The following NBEAL2 variants were observed in gnomAD, a reference collection of about 807,000 sequenced individuals.
NBEAL2 encodes neurobeachin-like protein 2.
NBEAL2 carries 160 observed loss-of-function variants against 299.8 expected under a neutral mutation model. That is an observed-to-expected ratio of 0.53 (90% confidence interval 0.47 to 0.61). NBEAL2 has a LOEUF of 0.61. Ranked by LOEUF, NBEAL2 falls within the 20% of genes least tolerant of loss-of-function variation. The pLI, the probability that NBEAL2 is intolerant of heterozygous loss-of-function variation, is 0.00. For synonymous variants in NBEAL2, 1,493 were observed against 1,542.3 expected (o/e 0.97, Z 0.75); for missense variants, 3,112 against 3,649.0 (o/e 0.85, Z 3.79).
At chr3:46,994,051 G>A (rs773232862) in intron 11 of NBEAL2, 31 bp downstream of exon 11, 55 of 1,578,026 alleles carry the variant, frequency 3.5e-5, no homozygotes, top group Middle Eastern at 1.7e-4. Context: ...CTTTAGTAGG[G>A]GTGCGGGGTG....
At chr3:46,994,645 G>A (rs1031484212) in intron 12 of NBEAL2, 92 bp downstream of exon 12, 23 of 1,101,216 alleles carry the variant, frequency 2.1e-5, no homozygotes, top group East Asian at 2.6e-5. Context: ...CTGGGGGACC[G>A]TATTGACTGC....
rs2107285241 is a variant in NBEAL2, at chr3:46,988,157, G to A, written c.52-512G>A. ...GATGTGCGCATGTCTGGGTCTGCCT[G>A]TCTAATGGTACACGTGTGTCCTGGG... On this transcript the variant is annotated intron_variant, in intron 1 of 53. Coordinates refer to ENST00000450053, the MANE Select transcript of NBEAL2 (RefSeq NM_015175.3). The surrounding 1 kb of genome is among the most constrained non-coding windows in gnomAD (Gnocchi z 4.4). 2 of 992,476 alleles carry A rather than the reference G, an allele frequency of 2.0e-6. No individual in the cohort carries two copies. Among genetic ancestry groups the A allele is most frequent in the East Asian group, 7.7e-5 (1 of 13,046 alleles). 61.5% of individuals were successfully genotyped at this position (992,476 alleles called of 1,614,324 possible). A position where few individuals can be genotyped will look rare whatever the true frequency, so the allele number is the denominator to read the frequency against.
intron 22 of NBEAL2, 39 bp downstream of exon 22, chr3:46,998,604 C>T (rs367911186): frequency 8.8e-5 from 140 of 1,589,772 alleles, no homozygotes; most frequent in African/African-American, 5.4e-5. Context: ...GGGGGGCTGA[C>T]ACAGTGGCCT....
At chr3:46,996,646 G>A (rs201450805) in intron 16 of NBEAL2, 54 bp downstream of exon 16, 1 of 661,216 alleles carries the variant, frequency 1.5e-6, no homozygotes, top group Non-Finnish European at 2.2e-6. Context: ...CTAGGGGTCC[G>A]GGGGGAGAAG....
At chr3:46,981,707 G>C (rs1184063401) in intron 1 of NBEAL2, among the ~76,000 whole-genome samples, 7 of 152,174 alleles carry the variant, frequency 4.6e-5, no homozygotes, top group Non-Finnish European at 8.8e-5. Context: ...GGCAGGTAAA[G>C]GGGGCTTAAA....
At chr3:46,998,902 G>C (rs1431882778) in intron 23 of NBEAL2, 23 bp downstream of exon 23, 1 of 1,597,056 alleles carries the variant, frequency 6.3e-7, no homozygotes, top group African/African-American at 1.3e-5. Context: ...TTGGGGAGCG[G>C]GAGGCTTGGG....
Position 47,003,307 on chromosome 3 carries a change from C to T in NBEAL2, c.5718C>T (p.Thr1906=), listed in dbSNP as rs767174805. 1 of 1,612,084 alleles carries T rather than the reference C, an allele frequency of 6.2e-7. No homozygotes were observed. The highest frequency in any genetic ancestry group is 1.7e-5 in the Admixed American group (1 of 59,914). ...AGGACGAGCTGGCTGAGCTGGAGACCCCGTGAGTGGGGCCCTGGAGAGATT... is the reference window on the plus strand; with the variant it reads ...AGGACGAGCTGGCTGAGCTGGAGACTCCGTGAGTGGGGCCCTGGAGAGATT... ...LGEDELAELE[T]PMEAAELDEQ... is the part of the protein sequence containing the mutation. Residue 1906 remains threonine, a splice_region_variant and synonymous_variant, in exon 35 of 54, where the codon ACC becomes ACT. Transcript: ENST00000450053. This position sits in a 1 kb window ranked among gnomAD's most constrained non-coding sequence, Gnocchi z 7.0.
chr3:47,007,741 T>G, intron 48 of NBEAL2, 44 bp downstream of exon 48: 1 of 1,609,310 alleles, frequency 6.2e-7, no homozygotes, highest in Non-Finnish European at 8.5e-7. Flanking sequence ...CACACAGGTA[T>G]GGGGCCGGGT....
At position 47,007,295 on chromosome 3, in the gene NBEAL2, C is replaced by T. The variant is rs201423174; in HGVS notation, c.7279C>T (p.Arg2427Cys). Residue 2427 changes from arginine to cysteine, a missense_variant, in exon 47 of 54, where the codon CGC becomes TGC. Coordinates refer to ENST00000450053, the MANE Select transcript of NBEAL2 (RefSeq NM_015175.3). The stretch of plus-strand genomic sequence containing the variant: ...CACCCACAGCTGGTTGCCCTATGAC[C>T]GCAACATAAGCAACTACTTCAGCTT... ...LGTHSWLPYDRNISNYFSFSK... is the reference protein window; with the variant it reads ...LGTHSWLPYDCNISNYFSFSK... 3.5e-5 allele frequency: 56 copies of T among 1,612,400 alleles called. No homozygotes were observed. The highest frequency in any genetic ancestry group is 4.2e-5 in the Non-Finnish European group (49 of 1,179,326).
chr3:47,005,301 C>T lies in NBEAL2; in HGVS notation c.6540C>T (p.His2180=), dbSNP rs981750437. Residue 2180 remains histidine, a synonymous_variant, in exon 40 of 54, where the codon CAC becomes CAT. Coordinates refer to ENST00000450053, the MANE Select transcript of NBEAL2 (RefSeq NM_015175.3). ...LIRVEPFTSL[H]VQLQSGRFDC... is the part of the protein sequence containing the mutation. ...GCGTGGAGCCCTTCACCTCCCTGCACGTCCAGCTGCAAAGTGGCCGGTGCG... is the reference window on the plus strand; with the variant it reads ...GCGTGGAGCCCTTCACCTCCCTGCATGTCCAGCTGCAAAGTGGCCGGTGCG... The T allele has an allele frequency of 3.1e-6, 5 of 1,612,366 alleles. No individual in the cohort carries two copies. Among genetic ancestry groups the T allele is most frequent in the African/African-American group, 2.7e-5 (2 of 74,928 alleles).
Position 46,982,507 on chromosome 3 carries a change from TGAGGGAA to T in NBEAL2, c.51+2604_51+2610del, listed in dbSNP as rs1490690210. Among the ~76,000 whole-genome samples, 2 of 152,132 alleles carry T rather than the reference TGAGGGAA, an allele frequency of 1.3e-5. No homozygotes were observed. Among genetic ancestry groups the T allele is most frequent in the South Asian group, 2.1e-4 (1 of 4,830 alleles). On this transcript the variant is annotated intron_variant, in intron 1 of 53. Coordinates refer to ENST00000450053, the MANE Select transcript of NBEAL2 (RefSeq NM_015175.3). The surrounding 1 kb of genome is among the most constrained non-coding windows in gnomAD (Gnocchi z 4.2). ...GAGGGAGGGGGCTGTGGGTGGCTGCTGAGGGAAGAGGGAAGGGTCAGAGCATCCCAGG... is the reference window on the plus strand; with the variant it reads ...GAGGGAGGGGGCTGTGGGTGGCTGCTGAGGGAAGGGTCAGAGCATCCCAGG...
rs757906893 is a variant in NBEAL2 at position 46,999,965 on chromosome 3, C to A, written c.3866C>A (p.Thr1289Asn). 3 of 1,612,042 alleles carry A rather than the reference C, an allele frequency of 1.9e-6. No homozygotes were observed. Among genetic ancestry groups the A allele is most frequent in the Middle Eastern group, 1.6e-4 (1 of 6,062 alleles). Residue 1289 changes from threonine (T) to asparagine (N), a missense_variant, in exon 27 of 54, where the codon ACC (threonine) becomes AAC (asparagine). This residue lies in a region of NBEAL2 where 2,243 missense variants were observed against 2,538.1 expected (regional missense o/e 0.88). Coordinates refer to ENST00000450053, the MANE Select transcript of NBEAL2 (RefSeq NM_015175.3). ...ARQAGWQDVL[T>N]RLYVLEAATA... ...CAGGCTGGCTGGCAAGATGTGCTGA[C>A]CCGGCTATATGTCCTGGAGGCTGCC... is the stretch of plus-strand genomic sequence containing the variant.
chr3:46,989,418 G>A lies in NBEAL2; in HGVS notation c.473+37G>A, dbSNP rs746380464. On this transcript the variant is annotated intron_variant, in intron 5 of 53. Transcript: ENST00000450053. The surrounding 1 kb of genome is among the most constrained non-coding windows in gnomAD (Gnocchi z 5.5). Reference sequence around the variant, plus strand: ...CCCACAGGAAGGGAACCCAGAGGAGGGTGGGGAGAGGATGGCCGCGCTGGG... The same window carrying A: ...CCCACAGGAAGGGAACCCAGAGGAGAGTGGGGAGAGGATGGCCGCGCTGGG... 7.7e-6 allele frequency: 12 copies of A among 1,566,866 alleles called. No individual in the cohort carries two copies. Among genetic ancestry groups the A allele is most frequent in the Non-Finnish European group, 1.0e-5 (12 of 1,155,854 alleles).
rs540575205 is a variant in NBEAL2, at chr3:46,999,121, C to G, written c.3543+4C>G. 1.9e-6 allele frequency: 3 copies of G among 1,564,056 alleles called. No individual in the cohort carries two copies. The South Asian group carries it at 3.5e-5, about 18-fold the overall frequency. On this transcript the variant is annotated splice_donor_region_variant and intron_variant, in intron 24 of 53. Coordinates refer to ENST00000450053, the MANE Select transcript of NBEAL2 (RefSeq NM_015175.3). ...GCTGCCCGATCGAGTCTGCAAGGTA[C>G]ACCCAGCCCACCCCCTCCCCTGGCA...
rs1408562359 is a variant in NBEAL2 at position 46,989,962 on chromosome 3, TC to T, written c.556+371del. On this transcript the variant is annotated intron_variant, in intron 6 of 53. Transcript: ENST00000450053. The surrounding 1 kb of genome is among the most constrained non-coding windows in gnomAD (Gnocchi z 5.5). Reference sequence around the variant, plus strand: ...CCATCCCGGAGACACAGGAGGTATCTCCACCTCCTGTTCCCTGGCTGCTGGA... The same window carrying T: ...CCATCCCGGAGACACAGGAGGTATCTCACCTCCTGTTCCCTGGCTGCTGGA... Among the ~76,000 whole-genome samples, 2 of 152,120 alleles carry T rather than the reference TC, an allele frequency of 1.3e-5. No individual in the cohort carries two copies. Among genetic ancestry groups the T allele is most frequent in the African/African-American group, 4.8e-5 (2 of 41,398 alleles).
Position 47,002,272 on chromosome 3 carries a change from A to C in NBEAL2, c.5135A>C (p.His1712Pro). 1.9e-6 allele frequency: 3 copies of C among 1,566,466 alleles called. No homozygotes were observed. The highest frequency in any genetic ancestry group is 1.2e-5 in the South Asian group (1 of 84,532). The change falls in exon 31 of 54, where the codon CAC becomes CCC. Residue 1712 changes from histidine to proline, a missense_variant. His to Pro is a moderately conservative substitution (Grantham distance 77, BLOSUM62 -2). This residue lies in a region of NBEAL2 where 2,243 missense variants were observed against 2,538.1 expected (regional missense o/e 0.88). Transcript: ENST00000450053. ...TTTTGTGCCACACCCGAATGGCGCCACTTCATCGACAAACAGGTGCCTGGA... is the reference window on the plus strand; with the variant it reads ...TTTTGTGCCACACCCGAATGGCGCCCCTTCATCGACAAACAGGTGCCTGGA... The part of the protein sequence containing the change: ...QAFCATPEWR[H>P]FIDKQVQPTM...
Position 46,999,714 on chromosome 3 carries a change from A to G in NBEAL2, c.3788A>G (p.Gln1263Arg). The change falls in exon 26 of 54, where the codon CAG becomes CGG. Residue 1263 changes from glutamine to arginine, a missense_variant and splice_region_variant. By Grantham distance (43) the Gln-to-Arg change is conservative (BLOSUM62 1). Coordinates refer to ENST00000450053, the MANE Select transcript of NBEAL2 (RefSeq NM_015175.3). The stretch of plus-strand genomic sequence containing the variant: ...AGCGTTCGCCTAGACATCTGTCGCC[A>G]GGTGAGCATGAGAGGTAAAAGCTTT... Reference protein sequence around the residue: ...DLSVRLDICRQLFHLIYGQPD... With the variant: ...DLSVRLDICRRLFHLIYGQPD... The G allele has an allele frequency of 6.2e-7, 1 of 1,613,042 alleles. No individual in the cohort carries two copies. The highest frequency in any genetic ancestry group is 8.5e-7 in the Non-Finnish European group (1 of 1,179,632).
In NBEAL2 at chr3:47,001,507, C is replaced by G. The variant is rs781353955; in HGVS notation, c.4644+69C>G. The G allele has an allele frequency of 2.1e-4, 326 of 1,571,798 alleles. No homozygotes were observed. Among genetic ancestry groups the G allele is most frequent in the Non-Finnish European group, 2.8e-4 (319 of 1,159,452 alleles). On this transcript the variant is annotated intron_variant, in intron 29 of 53. Transcript: ENST00000450053. The surrounding 1 kb of genome is among the most constrained non-coding windows in gnomAD (Gnocchi z 6.1). ...TCATGCAAGCCTGCAGGGATCTGGTCTGGGAGGTGGATGGGTACACGTGCG... is the reference window on the plus strand; with the variant it reads ...TCATGCAAGCCTGCAGGGATCTGGTGTGGGAGGTGGATGGGTACACGTGCG...
rs777573317 is a variant in NBEAL2 at position 46,995,462 on chromosome 3, G to A, written c.1727G>A (p.Arg576His). The A allele has an allele frequency of 2.4e-5, 39 of 1,612,872 alleles. No individual in the cohort carries two copies. The highest frequency in any genetic ancestry group is 2.8e-5 in the Non-Finnish European group (33 of 1,179,892). ...SGMARHQGPA[R>H]ALRYFDLTPS... ...ATGGCCAGGCACCAGGGTCCTGCAC[G>A]TGCTCTGCGCTACTTTGACCTCACG... The change falls in exon 13 of 54, where the codon CGT (arginine) becomes CAT (histidine). Residue 576 changes from arginine to histidine, a missense_variant. By Grantham distance (29) the Arg-to-His change is conservative. This residue lies in a region of NBEAL2 where 2,243 missense variants were observed against 2,538.1 expected (regional missense o/e 0.88). Coordinates refer to ENST00000450053, the MANE Select transcript of NBEAL2 (RefSeq NM_015175.3).
Sources: gnomAD v4.1 joint callset for allele counts (sites outside exome capture counted in the v4.1 genomes callset) on GRCh38, gnomAD v4.1.1 for gene constraint, gnomAD v4.1.1 regional missense constraint, Gnocchi (gnomAD v3.1) non-coding constraint, MANE v1.5 for transcripts, NCBI Gene and HGNC (gene_info 2026-07-23, HGNC 2026-07-21) for gene names.